EYS: variants seen among roughly 807,000 people sequenced by gnomAD.
EYS encodes the protein EGF-like photoreceptor maintenance factor, also known as protein eyes shut homolog.
A neutral mutation model predicts 282.1 loss-of-function variants in EYS; 250 were observed. The observed-to-expected ratio is 0.89, with a 90% CI of 0.80 to 0.98. EYS has a LOEUF of 0.98. EYS is among the 50% of genes least tolerant of loss of function. The probability of loss-of-function intolerance (pLI) is 0.00; values close to 1 mark genes in which losing one functional copy is unlikely to be tolerated. For missense variants in EYS, 4,016 were observed against 3,709.0 expected (o/e 1.08, Z -2.15); for synonymous variants, 1,355 against 1,282.9 (o/e 1.06, Z -1.20).
At chr6:65,619,082 C>T (rs1185820942) in intron 2 of EYS, among the ~76,000 whole-genome samples, 1 of 151,730 alleles carries the variant, frequency 6.6e-6, no homozygotes, top group Non-Finnish European at 1.5e-5. Flanking sequence ...TTTTCCAATG[C>T]TGTGAAGAAA....
At chr6:65,330,567 C>A (rs1502967) in intron 11 of EYS, 978,037 of 981,580 alleles carry the variant, frequency 1, 487,339 homozygotes, top group East Asian at 1. Flanking sequence ...GACCTGTTTG[C>A]AATACATCAT....
At chr6:64,838,676 A>C (rs978453497) in intron 19 of EYS, among the ~76,000 whole-genome samples, 4 of 151,442 alleles carry the variant, frequency 2.6e-5, no homozygotes, top group Non-Finnish European at 5.9e-5. Context: ...GTTATTTGAT[A>C]ATGCATAACA....
chr6:64,673,787 A>G (rs1180144291), intron 22 of EYS, among the ~76,000 whole-genome samples: 1 of 152,066 alleles, frequency 6.6e-6, no homozygotes, highest in East Asian at 1.9e-4. Flanking sequence ...CATTCTTACA[A>G]TGTTTTAATG....
chr6:64,286,759 T>C (rs1472432671), intron 30 of EYS, among the ~76,000 whole-genome samples: 2 of 152,172 alleles, frequency 1.3e-5, no homozygotes, highest in East Asian at 3.8e-4. Context: ...CTTTACTTTT[T>C]TAGGGAATAA....
intron 35 of EYS, among the ~76,000 whole-genome samples, chr6:63,952,860 C>T (rs889693466): frequency 1.2e-4 from 19 of 152,104 alleles, no homozygotes; most frequent in African/African-American, 2.9e-4. Context: ...TCTTGCTCAA[C>T]GCCAATATCC....
chr6:64,501,932 A>G (rs1054192491), intron 26 of EYS, among the ~76,000 whole-genome samples: 1 of 152,198 alleles, frequency 6.6e-6, no homozygotes, highest in Non-Finnish European at 1.5e-5. Context: ...TGGCTCCTGC[A>G]TGTACTAGTT....
chr6:65,008,979 A>T (rs1771779057), intron 13 of EYS, among the ~76,000 whole-genome samples: 1 of 152,110 alleles, frequency 6.6e-6, no homozygotes, highest in Non-Finnish European at 1.5e-5. Context: ...CTCTTTTCAC[A>T]TGCTTTTCTA....
At chr6:63,983,114 A>G (rs188868665) in intron 35 of EYS, among the ~76,000 whole-genome samples, 2 of 151,918 alleles carry the variant, frequency 1.3e-5, no homozygotes, top group East Asian at 3.9e-4. Flanking sequence ...TCAAGGAGAT[A>G]ACGTTCACTC....
chr6:65,419,899 A>C (rs932227685), intron 5 of EYS, among the ~76,000 whole-genome samples: 1 of 151,978 alleles, frequency 6.6e-6, no homozygotes, highest in African/African-American at 2.4e-5. Context: ...TTATGTTTAC[A>C]CTATATTATA....
intron 26 of EYS, among the ~76,000 whole-genome samples, chr6:64,579,343 C>G (rs1266150491): frequency 6.6e-6 from 1 of 152,226 alleles, no homozygotes; most frequent in South Asian, 2.1e-4. Context: ...TCCATGATAT[C>G]TGGATTTCAC....
At chr6:64,435,611 G>A (rs1337808003) in intron 28 of EYS, among the ~76,000 whole-genome samples, 1 of 149,950 alleles carries the variant, frequency 6.7e-6, no homozygotes, top group Non-Finnish European at 1.5e-5. Flanking sequence ...TAACAAAAAA[G>A]CATTACATCT....
chr6:63,744,196 A>T (rs1029622614), intron 41 of EYS: 1 of 152,112 alleles, frequency 6.6e-6, no homozygotes, highest in African/African-American at 2.4e-5. Flanking sequence ...AGCATACTTT[A>T]ATTTTTAATT....
At chr6:65,410,397 G>GAACATTCAA (rs1423253515) in intron 5 of EYS, among the ~76,000 whole-genome samples, 1 of 151,990 alleles carries the variant, frequency 6.6e-6, no homozygotes, top group African/African-American at 2.4e-5. Flanking sequence ...TTCGTGGCAA[G>GAACATTCAA]AACATTCAAA....
At chr6:64,474,938 T>C (rs1582798896) in intron 26 of EYS, among the ~76,000 whole-genome samples, 1 of 152,304 alleles carries the variant, frequency 6.6e-6, no homozygotes, top group South Asian at 2.1e-4. Flanking sequence ...TTCAGGAAAA[T>C]GGACAGCCAC....
chr6:63,948,528 A>G (rs768978384), intron 35 of EYS, among the ~76,000 whole-genome samples: 2 of 152,210 alleles, frequency 1.3e-5, no homozygotes, highest in Non-Finnish European at 2.9e-5. Flanking sequence ...TGCTGATCAG[A>G]CAGCTTGAAA....
intron 1 of EYS, among the ~76,000 whole-genome samples, chr6:65,673,837 C>T (rs1349727289): frequency 6.6e-6 from 1 of 151,960 alleles, no homozygotes; most frequent in Non-Finnish European, 1.5e-5. Flanking sequence ...TGGGAAAGGC[C>T]TCTACCCATA....
At chr6:63,859,798 C>T (rs1225332770) in intron 36 of EYS, among the ~76,000 whole-genome samples, 1 of 152,182 alleles carries the variant, frequency 6.6e-6, no homozygotes, top group Non-Finnish European at 1.5e-5. Context: ...CCGGCCATCA[C>T]TGCCACGATT....
intron 2 of EYS, among the ~76,000 whole-genome samples, chr6:65,618,214 G>C (rs1766295193): frequency 6.6e-6 from 1 of 152,210 alleles, no homozygotes; most frequent in South Asian, 2.1e-4. Context: ...TCCAGCACCT[G>C]TTGTTTCCTG....
intron 5 of EYS, among the ~76,000 whole-genome samples, chr6:65,470,092 G>C (rs902704659): frequency 6.6e-6 from 1 of 152,078 alleles, no homozygotes; most frequent in Non-Finnish European, 1.5e-5. Flanking sequence ...TACTTTAAAG[G>C]ACCGATAGCA....
Sources: gnomAD v4.1 joint callset for allele counts (sites outside exome capture counted in the v4.1 genomes callset) on GRCh38, gnomAD v4.1.1 for gene constraint, MANE v1.5 for transcripts, NCBI Gene and HGNC (gene_info 2026-07-23, HGNC 2026-07-21) for gene names.